BMP6: variants seen among roughly 807,000 people sequenced by gnomAD.
BMP6 encodes the protein VG-1-R.
A neutral mutation model predicts 54.1 loss-of-function variants in BMP6; 17 were observed. The ratio of observed to expected loss-of-function variants is 0.31; its 90% CI spans 0.22 to 0.47. The LOEUF (loss-of-function observed/expected upper bound fraction) is 0.47. Ranked by LOEUF, BMP6 falls within the 20% of genes least tolerant of loss-of-function variation. The pLI is 1.00. For synonymous variants in BMP6, 328 were observed against 291.2 expected, an observed-to-expected ratio of 1.13 and a Z score of -1.28; for missense variants, 720 against 690.4, an observed-to-expected ratio of 1.04 and a Z score of -0.48.
At chr6:7,771,173 C>T (rs80172022) in intron 1 of BMP6, among the ~76,000 whole-genome samples, 5 of 152,152 alleles carry the variant, frequency 3.3e-5, no homozygotes, top group African/African-American at 7.2e-5. Flanking sequence ...TCAGTTAAGC[C>T]GCTGCAGAAT....
intron 1 of BMP6, among the ~76,000 whole-genome samples, chr6:7,843,923 A>G (rs1439460399): frequency 6.6e-6 from 1 of 152,212 alleles, no homozygotes; most frequent in Non-Finnish European, 1.5e-5. Context: ...CAAATATTGT[A>G]TGTATTTAAG....
chr6:7,790,655 T>C (rs1193691162), intron 1 of BMP6, among the ~76,000 whole-genome samples: 4 of 151,906 alleles, frequency 2.6e-5, no homozygotes, highest in African/African-American at 9.7e-5. Context: ...TTTTCTAGTA[T>C]CTATCAGGGA....
At chr6:7,731,490 T>C (rs1253496849) in intron 1 of BMP6, among the ~76,000 whole-genome samples, 2 of 152,244 alleles carry the variant, frequency 1.3e-5, no homozygotes, top group African/African-American at 2.4e-5. Context: ...CTCATTTGTT[T>C]GTCTCCCCTG....
chr6:7,801,370 C>T (rs563420192), intron 1 of BMP6, among the ~76,000 whole-genome samples: 2 of 152,300 alleles, frequency 1.3e-5, no homozygotes, highest in African/African-American at 4.8e-5. Context: ...TAGAGAAGCA[C>T]CTGCAGTTAG....
At chr6:7,731,351 C>T (rs1303746631) in intron 1 of BMP6, among the ~76,000 whole-genome samples, 1 of 152,198 alleles carries the variant, frequency 6.6e-6, no homozygotes, top group Non-Finnish European at 1.5e-5. Context: ...CTAAGAGAGA[C>T]CTTCTCTGCC....
At chr6:7,864,696 A>G (rs1470442966) in intron 4 of BMP6, among the ~76,000 whole-genome samples, 2 of 152,188 alleles carry the variant, frequency 1.3e-5, no homozygotes, top group African/African-American at 2.4e-5. Flanking sequence ...TCCACCGCCC[A>G]GCGTGATGTG....
At chr6:7,755,978 A>C (rs1483009585) in intron 1 of BMP6, among the ~76,000 whole-genome samples, 2 of 152,010 alleles carry the variant, frequency 1.3e-5, no homozygotes, top group Non-Finnish European at 1.5e-5. Flanking sequence ...GGTTTTCAGA[A>C]ATGGTTTTAT....
intron 1 of BMP6, among the ~76,000 whole-genome samples, chr6:7,802,739 TTTGA>T (rs1758289589): frequency 6.6e-6 from 1 of 152,192 alleles, no homozygotes; most frequent in African/African-American, 2.4e-5. Context: ...AGACTTGTCC[TTTGA>T]TTGTCACCTG....
Position 7,815,941 on chromosome 6 carries a change from C to T in BMP6, c.665-29199C>T, listed in dbSNP as rs150788231. 9.2e-5 allele frequency among the ~76,000 whole-genome samples: 14 copies of T among 152,300 alleles called. No homozygotes were observed. The East Asian group carries it at 2.7e-3, about 29-fold the overall frequency. Reference sequence around the variant, plus strand: ...AATAAATAGTCGTTCTGGCTGGAAACCAAATGGTTGGCAGGGGCATTTTAC... The same window carrying T: ...AATAAATAGTCGTTCTGGCTGGAAATCAAATGGTTGGCAGGGGCATTTTAC... On this transcript the variant is annotated intron_variant, in intron 1 of 6. Coordinates refer to ENST00000283147, the MANE Select transcript of BMP6 (RefSeq NM_001718.6).
rs373198188 is a variant in BMP6, at chr6:7,726,145, G to T, written c.-811G>T. ...GCGGGGAGCGCGGCGTGGAGAGGCG[G>T]GAGACCGAATTCCGGCGCCGCCGCC... On this transcript the variant is annotated 5_prime_UTR_variant, in exon 1 of 7. Transcript: ENST00000283147. Among the ~76,000 whole-genome samples, 1 of 152,216 alleles carries T rather than the reference G, an allele frequency of 6.6e-6. No individual in the cohort carries two copies.
chr6:7,740,562 T>C (rs1762027504), intron 1 of BMP6, among the ~76,000 whole-genome samples: 1 of 152,174 alleles, frequency 6.6e-6, no homozygotes, highest in African/African-American at 2.4e-5. Flanking sequence ...ACTCCATTTC[T>C]GTACTCTCAT....
At chr6:7,773,541 G>A (rs1304324851) in intron 1 of BMP6, among the ~76,000 whole-genome samples, 2 of 152,174 alleles carry the variant, frequency 1.3e-5, no homozygotes, top group African/African-American at 2.4e-5. Flanking sequence ...GGCTCAGAAA[G>A]GATATGCAAA....
intron 3 of BMP6, 26 bp downstream of exon 3, chr6:7,861,625 A>G (rs1387274171): frequency 5.6e-6 from 9 of 1,612,616 alleles, no homozygotes; most frequent in Non-Finnish European, 6.8e-6. Flanking sequence ...CAAGCCTCCA[A>G]CGTCCAGCAA....
intron 1 of BMP6, among the ~76,000 whole-genome samples, chr6:7,843,854 C>A (rs140162769): frequency 6.6e-6 from 1 of 152,018 alleles, no homozygotes; most frequent in East Asian, 1.9e-4. Flanking sequence ...TGTCTTCATG[C>A]GGGAAAAAGA....
chr6:7,757,341 CT>C (rs1280799841), intron 1 of BMP6, among the ~76,000 whole-genome samples: 1 of 152,192 alleles, frequency 6.6e-6, no homozygotes, highest in East Asian at 1.9e-4. Context: ...TTGTTCATGC[CT>C]TTCTCTGAGC....
chr6:7,745,376 C>A (rs1005533010), intron 1 of BMP6, among the ~76,000 whole-genome samples: 1 of 152,150 alleles, frequency 6.6e-6, no homozygotes, highest in Non-Finnish European at 1.5e-5. Context: ...TGGGCTCAAG[C>A]GATCCTCCCA....
At chr6:7,768,365 C>T (rs1479215206) in intron 1 of BMP6, among the ~76,000 whole-genome samples, 5 of 152,290 alleles carry the variant, frequency 3.3e-5, no homozygotes, top group Admixed American at 1.3e-4. Flanking sequence ...TCCAGCAATT[C>T]GCCACTTAGG....
At chr6:7,825,484 G>A (rs1264491865) in intron 1 of BMP6, among the ~76,000 whole-genome samples, 1 of 152,132 alleles carries the variant, frequency 6.6e-6, no homozygotes, top group Non-Finnish European at 1.5e-5. Context: ...ACTTTGGGAG[G>A]CTGAGGCGGG....
At chr6:7,861,668 T>C in intron 3 of BMP6, 69 bp downstream of exon 3, 1 of 1,586,910 alleles carries the variant, frequency 6.3e-7, no homozygotes, top group Non-Finnish European at 8.6e-7. Flanking sequence ...CTTACAGCAG[T>C]TGTGATAGAA....
Sources: allele counts gnomAD v4.1 joint callset (sites outside exome capture counted in the v4.1 genomes callset), GRCh38; gene constraint gnomAD v4.1.1; transcripts MANE v1.5; gene names NCBI Gene and HGNC (gene_info 2026-07-23, HGNC 2026-07-21).